L3MBTL4: variants seen among roughly 807,000 people sequenced by gnomAD.
L3MBTL4 encodes L3MBTL histone methyl-lysine binding protein 4.
A neutral mutation model predicts 84.5 loss-of-function variants in L3MBTL4; 70 were observed. That is an observed-to-expected ratio of 0.83 (90% CI 0.68 to 1.01). The LOEUF is 1.01. Ranked by LOEUF, L3MBTL4 falls within the 50% of genes least tolerant of loss-of-function variation. L3MBTL4 has a pLI of 0.00. For missense variants in L3MBTL4, 715 were observed against 754.8 expected, an observed-to-expected ratio of 0.95 and a Z score of 0.62; for synonymous variants, 274 against 259.8, an observed-to-expected ratio of 1.05 and a Z score of -0.52.
chr18:6,144,010 A>T (rs1027006465), intron 13 of L3MBTL4, among the ~76,000 whole-genome samples: 6 of 152,068 alleles, frequency 3.9e-5, no homozygotes, highest in Non-Finnish European at 8.8e-5. Context: ...ATCCTGGCTA[A>T]CACGGTGAAA....
intron 3 of L3MBTL4, among the ~76,000 whole-genome samples, chr18:6,302,397 C>A (rs575801300): frequency 6.6e-6 from 1 of 152,268 alleles, no homozygotes; most frequent in South Asian, 2.1e-4. Context: ...TTTAACCAAA[C>A]TGACCTTCAT....
At chr18:6,399,787 C>T (rs1390417068) in intron 1 of L3MBTL4, 2 of 152,110 alleles carry the variant, frequency 1.3e-5, no homozygotes, top group Non-Finnish European at 2.9e-5. Context: ...ATTCAGAATA[C>T]CAATAATTTT....
chr18:6,150,961 G>C (rs1461983692), intron 13 of L3MBTL4, among the ~76,000 whole-genome samples: 2 of 152,120 alleles, frequency 1.3e-5, no homozygotes, highest in Non-Finnish European at 2.9e-5. Context: ...CAGTGCCAGG[G>C]ACCGCACGGA....
intron 1 of L3MBTL4, among the ~76,000 whole-genome samples, chr18:6,361,905 C>T (rs2053712149): frequency 6.6e-6 from 1 of 151,904 alleles, no homozygotes; most frequent in African/African-American, 2.4e-5. Context: ...CGCTTGACTC[C>T]AAGAGTTTGA....
intron 12 of L3MBTL4, among the ~76,000 whole-genome samples, chr18:6,202,486 G>T (rs1021558251): frequency 1.3e-5 from 2 of 152,146 alleles, no homozygotes; most frequent in Non-Finnish European, 2.9e-5. Context: ...GATTGAGAGG[G>T]TCTGCAGCAG....
At chr18:5,959,453 T>A (rs142029383) in intron 18 of L3MBTL4, among the ~76,000 whole-genome samples, 1 of 152,306 alleles carries the variant, frequency 6.6e-6, no homozygotes, top group East Asian at 1.9e-4. Context: ...CTGTAGCTGG[T>A]CCAGTCTCTT....
At chr18:6,286,421 G>C (rs985971415) in intron 4 of L3MBTL4, among the ~76,000 whole-genome samples, 2 of 151,522 alleles carry the variant, frequency 1.3e-5, no homozygotes, top group African/African-American at 4.8e-5. Flanking sequence ...CCGAGATCAC[G>C]CCACTGCACT....
chr18:6,045,520 G>T (rs776027457), intron 16 of L3MBTL4, among the ~76,000 whole-genome samples: 1 of 152,180 alleles, frequency 6.6e-6, no homozygotes, highest in Non-Finnish European at 1.5e-5. Flanking sequence ...GCAAGGAGGA[G>T]CAAGTCACAT....
intron 4 of L3MBTL4, among the ~76,000 whole-genome samples, chr18:6,286,757 C>T (rs2049609925): frequency 6.6e-6 from 1 of 152,112 alleles, no homozygotes; most frequent in African/African-American, 2.4e-5. Context: ...CAACTGTTTC[C>T]CTCCAGGTCA....
intron 1 of L3MBTL4, among the ~76,000 whole-genome samples, chr18:6,373,226 C>T (rs1359333937): frequency 1.3e-5 from 2 of 152,172 alleles, no homozygotes; most frequent in Admixed American, 6.5e-5. Context: ...CAACCTCATC[C>T]GTGCTGGGAA....
intron 18 of L3MBTL4, among the ~76,000 whole-genome samples, chr18:5,957,532 C>T (rs2095233978): frequency 6.6e-6 from 1 of 151,200 alleles, no homozygotes; most frequent in African/African-American, 2.4e-5. Context: ...ACTGCAGCGT[C>T]TCTGATTGAC....
intron 16 of L3MBTL4, among the ~76,000 whole-genome samples, chr18:6,049,794 A>C (rs1454008003): frequency 6.6e-6 from 1 of 152,212 alleles, no homozygotes; most frequent in African/African-American, 2.4e-5. Flanking sequence ...TGATGGGATT[A>C]TTCACGCCCC....
At chr18:6,279,139 A>G (rs1264775955) in intron 4 of L3MBTL4, among the ~76,000 whole-genome samples, 1 of 152,176 alleles carries the variant, frequency 6.6e-6, no homozygotes, top group Non-Finnish European at 1.5e-5. Flanking sequence ...AGATGATAAC[A>G]AAAGTCACCC....
At chr18:6,019,277 CA>C (rs1274660866) in intron 16 of L3MBTL4, among the ~76,000 whole-genome samples, 1 of 152,126 alleles carries the variant, frequency 6.6e-6, no homozygotes, top group Non-Finnish European at 1.5e-5. Context: ...TTACTCTAAG[CA>C]TGAAGGCAAT....
chr18:6,191,662 G>A (rs1191869774), intron 12 of L3MBTL4, among the ~76,000 whole-genome samples: 10 of 152,276 alleles, frequency 6.6e-5, no homozygotes, highest in African/African-American at 2.2e-4. Flanking sequence ...GAAGAGCAGA[G>A]GTCCAGTGAC....
intron 10 of L3MBTL4, among the ~76,000 whole-genome samples, chr18:6,230,707 C>T (rs750908516): frequency 4.6e-5 from 7 of 152,100 alleles, no homozygotes; most frequent in African/African-American, 9.7e-5. Flanking sequence ...CATTCCCACC[C>T]GCAATGTATA....
At chr18:6,028,668 G>A (rs998331952) in intron 16 of L3MBTL4, among the ~76,000 whole-genome samples, 2 of 152,134 alleles carry the variant, frequency 1.3e-5, no homozygotes, top group South Asian at 4.2e-4. Flanking sequence ...CTATCCATAA[G>A]CATGGAATGT....
intron 10 of L3MBTL4, among the ~76,000 whole-genome samples, chr18:6,231,566 G>A (rs1362644990): frequency 1.3e-5 from 2 of 152,000 alleles, no homozygotes; most frequent in African/African-American, 4.8e-5. Context: ...ACTCATTTGT[G>A]TCACCCTGAA....
intron 12 of L3MBTL4, among the ~76,000 whole-genome samples, chr18:6,174,685 C>T (rs576595619): frequency 6.6e-6 from 1 of 151,368 alleles, no homozygotes; most frequent in African/African-American, 2.4e-5. Context: ...GCCTGGCCAA[C>T]ACGGTGAAGC....
Sources: gnomAD v4.1 joint callset for allele counts (sites outside exome capture counted in the v4.1 genomes callset) on GRCh38, gnomAD v4.1.1 for gene constraint, MANE v1.5 for transcripts, NCBI Gene and HGNC (gene_info 2026-07-23, HGNC 2026-07-21) for gene names.